AKNAD1: variants seen among roughly 807,000 people sequenced by gnomAD.
AKNAD1 encodes protein AKNAD1.
Under a neutral mutation model 90.8 loss-of-function variants are expected in AKNAD1, and 67 were observed. The ratio of observed to expected loss-of-function variants is 0.74; its 90% CI spans 0.61 to 0.90. The LOEUF (loss-of-function observed/expected upper bound fraction) is 0.90, where lower values mean the gene tolerates loss of function less well. AKNAD1 is among the 40% of genes least tolerant of loss of function. AKNAD1 has a pLI of 0.00. For missense variants in AKNAD1, 957 were observed against 975.4 expected (o/e 0.98, Z 0.25); for synonymous variants, 327 against 341.4 (o/e 0.96, Z 0.46).
intron 14 of AKNAD1, among the ~76,000 whole-genome samples, chr1:108,817,804 C>A (rs1464586228): frequency 1.3e-5 from 2 of 152,156 alleles, no homozygotes; most frequent in Non-Finnish European, 2.9e-5. Context: ...CGCGTCCGGC[C>A]TTTTGGGGCC....
chr1:108,830,732 G>T, intron 9 of AKNAD1, 82 bp from the exon 10 acceptor site: 1 of 1,396,686 alleles, frequency 7.2e-7, no homozygotes, highest in Non-Finnish European at 1.0e-6. Flanking sequence ...CCAGCAAGCA[G>T]CTGAGGTCCG....
intron 14 of AKNAD1, 79 bp from the exon 15 acceptor site, chr1:108,817,256 G>C (rs1474556238): frequency 1.9e-6 from 3 of 1,571,026 alleles, no homozygotes; most frequent in Non-Finnish European, 2.6e-6. Flanking sequence ...CTCTGTGGTA[G>C]GTAATGGCTC....
Position 108,830,689 on chromosome 1 carries a change from A to T in AKNAD1, c.1747-39T>A, listed in dbSNP as rs1461441073. 4.4e-6 allele frequency: 7 copies of T among 1,602,932 alleles called. No homozygotes were observed. The African/African-American group carries it at 8.0e-5, about 18-fold the overall frequency. The stretch of plus-strand genomic sequence containing the variant: ...CACACAGATGGAGATGTGATAGAGG[A>T]TGTGACTCACGCCGCGGCTGCACAC... On this transcript the variant is annotated intron_variant, in intron 9 of 15. Coordinates refer to ENST00000370001, the MANE Select transcript of AKNAD1 (RefSeq NM_152763.5).
chr1:108,847,472 A>C (rs72697192), intron 5 of AKNAD1, among the ~76,000 whole-genome samples: 5 of 151,480 alleles, frequency 3.3e-5, no homozygotes, highest in African/African-American at 7.3e-5. Context: ...AAAAAAAAAA[A>C]CCTTCAATGC....
intron 2 of AKNAD1, 151 bp downstream of exon 2, chr1:108,851,521 G>T: frequency 1.6e-6 from 1 of 626,208 alleles, no homozygotes; most frequent in East Asian, 2.6e-5. Context: ...ACTGAGAGTC[G>T]GAGTGGCCAC....
intron 10 of AKNAD1, among the ~76,000 whole-genome samples, chr1:108,829,436 T>G (rs1057270358): frequency 6.6e-6 from 1 of 152,202 alleles, no homozygotes; most frequent in Non-Finnish European, 1.5e-5. Flanking sequence ...TTATACTTAG[T>G]AAAACCTTTA....
chr1:108,834,761 C>T (rs1048113956), intron 8 of AKNAD1, among the ~76,000 whole-genome samples, 168 bp downstream of exon 8: 2 of 152,132 alleles, frequency 1.3e-5, no homozygotes, highest in African/African-American at 2.4e-5. Context: ...CAGAGGCTGG[C>T]CAGGCCCTGC....
intron 14 of AKNAD1, among the ~76,000 whole-genome samples, chr1:108,819,917 A>G (rs1663757394): frequency 1.3e-5 from 1 of 75,880 alleles, no homozygotes; most frequent in Non-Finnish European, 2.7e-5. Flanking sequence ...ATGAATTAAC[A>G]GCAAAAAAAA....
intron 1 of AKNAD1, among the ~76,000 whole-genome samples, chr1:108,853,925 G>C (rs934641212): frequency 1.7e-5 from 2 of 119,068 alleles, no homozygotes; most frequent in East Asian, 4.9e-4. Context: ...GACAGAGAGA[G>C]ACCCCGTCTC....
chr1:108,820,902 C>A (rs1416063388), intron 13 of AKNAD1, among the ~76,000 whole-genome samples: 1 of 151,872 alleles, frequency 6.6e-6, no homozygotes, highest in Non-Finnish European at 1.5e-5. Flanking sequence ...AATTCATAAA[C>A]CCCTTCCATA....
chr1:108,828,087 AAAACAAAC>A (rs71069603), intron 10 of AKNAD1, among the ~76,000 whole-genome samples: 5,771 of 148,864 alleles, frequency 0.039, 200 homozygotes, highest in African/African-American at 0.067. Flanking sequence ...CCTCATCTCA[AAAACAAAC>A]AAACAAACAA....
chr1:108,826,395 C>G (rs1663995995), intron 11 of AKNAD1, among the ~76,000 whole-genome samples: 1 of 151,266 alleles, frequency 6.6e-6, no homozygotes, highest in Non-Finnish European at 1.5e-5. Flanking sequence ...CACCTCTTCT[C>G]CCAGGGCAGT....
rs1412150622 is a variant in AKNAD1 at position 108,834,939 on chromosome 1, C to T, written c.1654G>A (p.Ala552Thr). 1 of 1,537,984 alleles carries T rather than the reference C, an allele frequency of 6.5e-7. No homozygotes were observed. The highest frequency in any genetic ancestry group is 1.2e-5 in the South Asian group (1 of 80,624). ...AGGGCTAGGACTCACGTCTGCGGGG[C>T]CAGCTCACAGAGCTCCTCGTTGGGG... is the stretch of plus-strand genomic sequence containing the variant. ...EAPNEELCEL[A>T]PQTYLNGHYG... Residue 552 changes from alanine to threonine, a missense_variant, in exon 8 of 16, where the codon GCC becomes ACC. Physicochemically the swap from Ala to Thr is moderately conservative, Grantham distance 58. Coordinates refer to ENST00000370001, the MANE Select transcript of AKNAD1 (RefSeq NM_152763.5).
chr1:108,817,261 T>C, intron 14 of AKNAD1, 84 bp from the exon 15 acceptor site: 1 of 1,548,456 alleles, frequency 6.5e-7, no homozygotes, highest in Non-Finnish European at 8.7e-7. Flanking sequence ...TGGTAGGTAA[T>C]GGCTCTGTGT....
intron 14 of AKNAD1, 92 bp downstream of exon 14, chr1:108,820,434 CTCCTAATCATCTAGGTTAT>C: frequency 1.5e-6 from 1 of 678,450 alleles, no homozygotes; most frequent in Non-Finnish European, 2.6e-6. Flanking sequence ...CCTGGCTCTA[CTCCTAATCATCTAGGTTAT>C]CTTGGGGTAG....
In AKNAD1 at chr1:108,849,009, C is replaced by G. The variant is rs762830271; in HGVS notation, c.1085G>C (p.Gly362Ala). 1.2e-6 allele frequency: 2 copies of G among 1,610,762 alleles called. No individual in the cohort carries two copies. Among genetic ancestry groups the G allele is most frequent in the Non-Finnish European group, 1.7e-6 (2 of 1,179,224 alleles). ...TATGTAAGAAGAACTTGAGGAAGTG[C>G]CTTTCTGAGAGGTTGGTGACAACTT... is the stretch of plus-strand genomic sequence containing the variant. ...LSKLSPTSQK[G>A]TSSSSSYIFQ... is the part of the protein sequence containing the mutation. The change falls in exon 4 of 16, where the codon GGC (glycine) becomes GCC (alanine). Residue 362 changes from glycine to alanine, a missense_variant. Transcript: ENST00000370001.
chr1:108,838,845 A>C (rs1664455021), intron 6 of AKNAD1, among the ~76,000 whole-genome samples: 2 of 152,140 alleles, frequency 1.3e-5, no homozygotes. Flanking sequence ...CACTTTTAAA[A>C]AAGTAGAAAA....
intron 9 of AKNAD1, among the ~76,000 whole-genome samples, chr1:108,833,100 AGAGTACATTAGT>A (rs1264604423): frequency 6.6e-6 from 1 of 152,242 alleles, no homozygotes; most frequent in Non-Finnish European, 1.5e-5. Context: ...TAAATGTGTC[AGAGTACATTAGT>A]ATAATGAAAT....
At chr1:108,832,898 A>G (rs1294126920) in intron 9 of AKNAD1, among the ~76,000 whole-genome samples, 1 of 152,184 alleles carries the variant, frequency 6.6e-6, no homozygotes, top group Non-Finnish European at 1.5e-5. Flanking sequence ...ATAAACCCCC[A>G]TGGACTTCCT....
Sources: allele counts gnomAD v4.1 joint callset (sites outside exome capture counted in the v4.1 genomes callset), GRCh38; gene constraint gnomAD v4.1.1; transcripts MANE v1.5; gene names NCBI Gene and HGNC (gene_info 2026-07-23, HGNC 2026-07-21).